Variants in ACACB observed in about 807,000 individuals in gnomAD.
ACACB encodes the protein acetyl-CoA carboxylase beta, also known as acetyl-CoA carboxylase 2.
Under a neutral mutation model 278.8 loss-of-function variants are expected in ACACB, and 209 were observed. The observed-to-expected ratio is 0.75, with a 90% CI of 0.67 to 0.84. The LOEUF is 0.84. Among genes scored for constraint, ACACB ranks in the 40% least tolerant of loss-of-function variants. The probability of loss-of-function intolerance (pLI) is 0.00; values close to 1 mark genes in which losing one functional copy is unlikely to be tolerated. For synonymous variants in ACACB, 1,174 were observed against 1,285.6 expected, an observed-to-expected ratio of 0.91 and a Z score of 1.86; for missense variants, 2,850 against 3,269.0, an observed-to-expected ratio of 0.87 and a Z score of 3.13.
intron 28 of ACACB, 134 bp downstream of exon 28, chr12:109,227,623 T>C (rs1294547730): frequency 1.3e-6 from 1 of 784,846 alleles, no homozygotes; most frequent in East Asian, 2.6e-5. Flanking sequence ...GCACTTCCCC[T>C]GTGGGAGCTC....
chr12:109,202,941 C>T (rs903134373), intron 19 of ACACB, among the ~76,000 whole-genome samples: 4 of 152,134 alleles, frequency 2.6e-5, no homozygotes, highest in African/African-American at 9.7e-5. Context: ...CACATTGTTG[C>T]ACAGCCATCA....
At chr12:109,163,532 G>T (rs2043803155) in intron 2 of ACACB, among the ~76,000 whole-genome samples, 1 of 151,952 alleles carries the variant, frequency 6.6e-6, no homozygotes, top group East Asian at 1.9e-4. Context: ...TAGGAGAGGG[G>T]AAAAATGCAT....
At position 109,264,743 on chromosome 12, in the gene ACACB, G is replaced by T. The variant is rs972604327; in HGVS notation, c.6942+357G>T. ...CAGCATTCACCCACCCCTCACCATT[G>T]CAAGGACTCCCACAGTCACCTCCTA... On this transcript the variant is annotated intron_variant, in intron 50 of 52. Transcript: ENST00000338432. 2.6e-5 allele frequency among the ~76,000 whole-genome samples: 4 copies of T among 152,048 alleles called. No homozygotes were observed. In the South Asian group the frequency reaches 6.2e-4, roughly 24 times the overall value.
At chr12:109,139,282 T>A (rs2043041451) in intron 1 of ACACB, 115 bp from the exon 2 acceptor site, 9 of 949,256 alleles carry the variant, frequency 9.5e-6, no homozygotes, top group Non-Finnish European at 1.2e-5. Flanking sequence ...TCTCCCCTCG[T>A]CCAGTATTTC....
chr12:109,178,426 G>A (rs1055099233), intron 9 of ACACB, among the ~76,000 whole-genome samples: 1 of 152,134 alleles, frequency 6.6e-6, no homozygotes, highest in African/African-American at 2.4e-5. Flanking sequence ...AGTGTGTTTT[G>A]GTCCCATTTT....
rs533432083 is a variant in ACACB, at chr12:109,194,177, CTGTT to C, written c.2481+450_2481+453del. Among the ~76,000 whole-genome samples, 7 of 150,026 alleles carry C rather than the reference CTGTT, an allele frequency of 4.7e-5. No homozygotes were observed. In the South Asian group the frequency reaches 1.5e-3, roughly 31 times the overall value. On this transcript the variant is annotated intron_variant, in intron 16 of 52. Coordinates refer to ENST00000338432, the MANE Select transcript of ACACB (RefSeq NM_001093.4). ...GGATGCCTTGCCCCAGTCTCTGTCTCTGTTTTTTTTTTTTGTTGTTGTTGTTGTT... is the reference window on the plus strand; with the variant it reads ...GGATGCCTTGCCCCAGTCTCTGTCTCTTTTTTTTTTGTTGTTGTTGTTGTT...
intron 34 of ACACB, among the ~76,000 whole-genome samples, chr12:109,238,011 CAAAAA>C (rs538671568): frequency 1.6e-5 from 1 of 61,340 alleles, no homozygotes; most frequent in Admixed American, 1.8e-4. Context: ...GACCCTATCA[CAAAAA>C]AAAAAAAAAA....
chr12:109,187,918 G>A, intron 12 of ACACB, 81 bp from the exon 13 acceptor site: 3 of 1,513,156 alleles, frequency 2.0e-6, no homozygotes, highest in South Asian at 2.6e-5. Flanking sequence ...GGGTTCTTGG[G>A]TTTTCCCAGG....
At chr12:109,252,918 T>G in intron 42 of ACACB, 97 bp from the exon 43 acceptor site, 1 of 1,228,264 alleles carries the variant, frequency 8.1e-7, no homozygotes, top group Non-Finnish European at 1.1e-6. Context: ...GTGATTCTAA[T>G]GTGTAGCCAG....
Position 109,166,899 on chromosome 12 carries a change from G to GTCTTCT in ACACB, c.692_693insTCTTCT (p.Arg231_Glu232insLeuLeu). 6.2e-7 allele frequency: 1 copy of GTCTTCT among 1,614,006 alleles called. No homozygotes were observed. Among genetic ancestry groups the GTCTTCT allele is most frequent in the Non-Finnish European group, 8.5e-7 (1 of 1,180,012 alleles). On this transcript the variant is annotated inframe_insertion, in exon 3 of 53. Coordinates refer to ENST00000338432, the MANE Select transcript of ACACB (RefSeq NM_001093.4). ...GGACTCCACCTGGTGAAGAGGGGAC[G>GTCTTCT]GGAACACAAGAAGCTGGACCTGCAC...
chr12:109,230,344 GT>G (rs2046432138), intron 28 of ACACB, among the ~76,000 whole-genome samples: 1 of 152,150 alleles, frequency 6.6e-6, no homozygotes, highest in Admixed American at 6.5e-5. Context: ...GCAGCCTGGG[GT>G]CATTCTGGGG....
At chr12:109,114,320 A>G (rs2042362697), upstream of ACACB, among the ~76,000 whole-genome samples, 1 of 152,036 alleles carries the variant, frequency 6.6e-6, no homozygotes, top group African/African-American at 2.4e-5. Context: ...GTCTCTCTTA[A>G]TGATGTTTGG....
chr12:109,195,294 T>C (rs1424895748), intron 16 of ACACB, among the ~76,000 whole-genome samples: 1 of 152,242 alleles, frequency 6.6e-6, no homozygotes, highest in African/African-American at 2.4e-5. Flanking sequence ...TGAGACAGAA[T>C]TTTTGTTTTC....
rs372620815 is a variant in ACACB, at chr12:109,210,800, A to G, written c.3249+1447A>G. The stretch of plus-strand genomic sequence containing the variant: ...GTGGTGTTGCACACCTGCAATCCCA[A>G]CTACTCAGGAGGCTGAGGCAGGAGA... On this transcript the variant is annotated intron_variant, in intron 21 of 52. Transcript: ENST00000338432. Among the ~76,000 whole-genome samples the G allele has an allele frequency of 5.4e-3, 815 of 151,638 alleles. 9 individuals carry two copies. The highest frequency in any genetic ancestry group is 0.019 in the African/African-American group (779 of 41,366).
intron 15 of ACACB, among the ~76,000 whole-genome samples, chr12:109,192,182 G>A (rs1265489972): frequency 6.6e-6 from 1 of 152,146 alleles, no homozygotes; most frequent in East Asian, 1.9e-4. Context: ...TGAACAGGCT[G>A]TTGTGTACGG....
At chr12:109,123,747 G>A (rs1283766275) in intron 1 of ACACB, among the ~76,000 whole-genome samples, 1 of 8,442 alleles carries the variant, frequency 1.2e-4, no homozygotes, top group Admixed American at 1.7e-3. Context: ...GAGTGCAGTG[G>A]CACAATCTCG....
intron 1 of ACACB, chr12:109,125,433 A>G (rs1435940368): frequency 2.6e-5 from 4 of 152,132 alleles, no homozygotes; most frequent in Admixed American, 1.3e-4. Flanking sequence ...GAGACATTAT[A>G]ATCTGGACAC....
chr12:109,227,068 A>T (rs2046333662), intron 27 of ACACB, among the ~76,000 whole-genome samples: 1 of 151,944 alleles, frequency 6.6e-6, no homozygotes, highest in African/African-American at 2.4e-5. Context: ...CTCCCACCTC[A>T]GCCTCCCGAG....
chr12:109,243,236 G>A (rs939936515), intron 37 of ACACB, among the ~76,000 whole-genome samples: 5 of 152,232 alleles, frequency 3.3e-5, no homozygotes, highest in Admixed American at 1.3e-4. Context: ...GGCACCATTC[G>A]AAGTCTAGAC....
Sources: gnomAD v4.1 joint callset for allele counts (sites outside exome capture counted in the v4.1 genomes callset) on GRCh38, gnomAD v4.1.1 for gene constraint, MANE v1.5 for transcripts, NCBI Gene and HGNC (gene_info 2026-07-23, HGNC 2026-07-21) for gene names.